OPRM1: variants seen among roughly 807,000 people sequenced by gnomAD.
OPRM1 encodes opioid receptor mu 1.
A neutral mutation model predicts 31.8 loss-of-function variants in OPRM1; 27 were observed. The ratio of observed to expected loss-of-function variants is 0.85; its 90% CI spans 0.63 to 1.17. The LOEUF (loss-of-function observed/expected upper bound fraction) is 1.17, where lower values mean the gene tolerates loss of function less well. OPRM1 is among the 50% of genes most tolerant of loss of function. The probability of loss-of-function intolerance (pLI) is 0.00; values close to 1 mark genes in which losing one functional copy is unlikely to be tolerated. For synonymous variants in OPRM1, 196 were observed against 189.9 expected (o/e 1.03, Z -0.26); for missense variants, 536 against 511.1 (o/e 1.05, Z -0.47).
chr6:154,134,506 C>A (rs1222110311), downstream of OPRM1, among the ~76,000 whole-genome samples: 1 of 152,156 alleles, frequency 6.6e-6, no homozygotes, highest in Non-Finnish European at 1.5e-5. Flanking sequence ...AATCACCCAC[C>A]CTGCATCTCA....
At chr6:154,011,636 C>T (rs200418564) in intron 1 of OPRM1, among the ~76,000 whole-genome samples, 22 of 152,008 alleles carry the variant, frequency 1.4e-4, no homozygotes, top group Non-Finnish European at 2.1e-4. Context: ...AAAATTATTC[C>T]GACCACAACA....
At chr6:154,107,836 G>A in intron 3 of OPRM1, 1 of 715,608 alleles carries the variant, frequency 1.4e-6, no homozygotes, top group East Asian at 2.7e-5. Context: ...GTTTTATCCT[G>A]AAGTATCCCT....
At chr6:154,091,642 T>C in intron 3 of OPRM1, 170 bp downstream of exon 3, 1 of 1,417,186 alleles carries the variant, frequency 7.1e-7, no homozygotes, top group Non-Finnish European at 9.2e-7. Context: ...AACTGTGTTC[T>C]TTATATTTGA....
At chr6:154,039,018 A>C, upstream of OPRM1, 1 of 958,066 alleles carries the variant, frequency 1.0e-6, no homozygotes, top group Non-Finnish European at 1.5e-6. Context: ...GGTTTCATCA[A>C]GCCAATGTAT....
At chr6:154,191,924 A>G (rs1421242018) in intron 3 of OPRM1, among the ~76,000 whole-genome samples, 4 of 152,174 alleles carry the variant, frequency 2.6e-5, no homozygotes, top group African/African-American at 9.7e-5. Flanking sequence ...ATTAATTTCA[A>G]AATAAGAATC....
chr6:154,118,576 T>C (rs1797112950), intron 3 of OPRM1, 107 bp from the exon 4 acceptor site: 1 of 973,606 alleles, frequency 1.0e-6, no homozygotes, highest in African/African-American at 1.6e-5. Context: ...GGTGAAAGTA[T>C]ACATGAAGGT....
intron 3 of OPRM1, among the ~76,000 whole-genome samples, chr6:154,229,346 G>GTTTTTTTTTTTTTTTTTTT (rs34462600): frequency 1.8e-5 from 2 of 112,680 alleles, no homozygotes; most frequent in African/African-American, 6.9e-5. Flanking sequence ...AAGTTTGCCG[G>GTTTTTTTTTTTTTTTTTTT]TTTTTTTTTT....
chr6:154,107,953 T>TTTTA (rs61614242), intron 3 of OPRM1: 13,672 of 517,606 alleles, frequency 0.026, 375 homozygotes, highest in African/African-American at 0.13. Flanking sequence ...AACACTGATT[T>TTTTA]TTTTATTTTA....
At chr6:154,174,933 C>T (rs1041303232) in intron 3 of OPRM1, among the ~76,000 whole-genome samples, 4 of 152,158 alleles carry the variant, frequency 2.6e-5, no homozygotes, top group Admixed American at 2.6e-4. Flanking sequence ...TAAAACACTC[C>T]TCAGCAAATG....
chr6:154,186,453 C>T (rs1801351281), intron 3 of OPRM1, among the ~76,000 whole-genome samples: 1 of 152,210 alleles, frequency 6.6e-6, no homozygotes, highest in South Asian at 2.1e-4. Context: ...CAAATCCCAT[C>T]ACCTCCACCT....
chr6:154,047,652 G>A (rs1781390459), intron 1 of OPRM1, among the ~76,000 whole-genome samples: 3 of 152,164 alleles, frequency 2.0e-5, no homozygotes, highest in Admixed American at 2.0e-4. Context: ...GGGTTTAAAT[G>A]AGAGAGAGAT....
chr6:154,196,195 G>A lies in OPRM1; in HGVS notation c.1165-50498G>A, dbSNP rs74490926. On this transcript the variant is annotated intron_variant, in intron 3 of 3. Transcript: ENST00000337049. ...ACAATATAATAATGCAAAATTGAAT[G>A]GAGTCCAGTTTTGGACTTATTTTTT... 6.3e-3 allele frequency among the ~76,000 whole-genome samples: 954 copies of A among 152,264 alleles called. 10 individuals carry two copies. Among genetic ancestry groups the A allele is most frequent in the African/African-American group, 0.018 (766 of 41,536 alleles).
intron 3 of OPRM1, among the ~76,000 whole-genome samples, chr6:154,179,869 C>T (rs1462764339): frequency 6.6e-6 from 1 of 152,164 alleles, no homozygotes; most frequent in Non-Finnish European, 1.5e-5. Context: ...CACCTAGGAA[C>T]CTTGTTAACA....
intron 1 of OPRM1, among the ~76,000 whole-genome samples, chr6:154,084,599 GAGTATTAA>G (rs1388568802): frequency 6.6e-6 from 1 of 152,136 alleles, no homozygotes; most frequent in Non-Finnish European, 1.5e-5. Context: ...AATTAAATAT[GAGTATTAA>G]AGTATGACAC....
intron 1 of OPRM1, among the ~76,000 whole-genome samples, chr6:154,085,973 A>G (rs146506168): frequency 0.01 from 1,488 of 144,274 alleles, 25 homozygotes; most frequent in African/African-American, 0.038. Context: ...TCAGCCTCCC[A>G]AGTAGCTGGG....
chr6:154,085,674 A>C (rs548757571), intron 1 of OPRM1, among the ~76,000 whole-genome samples: 1 of 152,110 alleles, frequency 6.6e-6, no homozygotes, highest in Non-Finnish European at 1.5e-5. Context: ...GTAAGGAAAA[A>C]GGCTTGTGTT....
chr6:154,211,936 A>C (rs1468493747), intron 3 of OPRM1, among the ~76,000 whole-genome samples: 1 of 152,242 alleles, frequency 6.6e-6, no homozygotes, highest in Admixed American at 6.5e-5. Context: ...GACACTTCAC[A>C]AAAGAGAAAG....
intron 3 of OPRM1, among the ~76,000 whole-genome samples, chr6:154,236,903 C>A (rs1780179602): frequency 6.6e-6 from 1 of 152,162 alleles, no homozygotes; most frequent in Non-Finnish European, 1.5e-5. Context: ...TGCAGCGTGC[C>A]TTTTCCTTGC....
At chr6:154,178,483 A>T (rs1800547211) in intron 3 of OPRM1, among the ~76,000 whole-genome samples, 1 of 152,162 alleles carries the variant, frequency 6.6e-6, no homozygotes, top group African/African-American at 2.4e-5. Flanking sequence ...TATGTTAAAA[A>T]TATCGAAGGG....
Sources: allele counts gnomAD v4.1 joint callset (sites outside exome capture counted in the v4.1 genomes callset), GRCh38; gene constraint gnomAD v4.1.1; transcripts MANE v1.5; gene names NCBI Gene and HGNC (gene_info 2026-07-23, HGNC 2026-07-21).